The following ANKRD55 variants were observed in gnomAD, a reference collection of about 807,000 sequenced individuals.
ANKRD55 encodes the protein ankyrin repeat domain 55.
A neutral mutation model predicts 60.6 loss-of-function variants in ANKRD55; 41 were observed. That is an observed-to-expected ratio of 0.68 (90% CI 0.53 to 0.88). The LOEUF is 0.88. ANKRD55 is among the 40% of genes least tolerant of loss of function. The probability of loss-of-function intolerance (pLI) is 0.00; values close to 1 mark genes in which losing one functional copy is unlikely to be tolerated. For missense variants in ANKRD55, 732 were observed against 767.6 expected (o/e 0.95, Z 0.55); for synonymous variants, 264 against 290.3 (o/e 0.91, Z 0.92).
At chr5:56,135,360 T>TTTCTTTCTTTC (rs1561264197) in intron 7 of ANKRD55, among the ~76,000 whole-genome samples, 6 of 122,538 alleles carry the variant, frequency 4.9e-5, no homozygotes, top group East Asian at 2.3e-4. Flanking sequence ...TCTTTCTTTC[T>TTTCTTTCTTTC]TTCTTTCCTT....
intron 4 of ANKRD55, among the ~76,000 whole-genome samples, chr5:56,172,789 C>A (rs928747408): frequency 1.3e-5 from 2 of 152,036 alleles, no homozygotes; most frequent in African/African-American, 4.8e-5. Flanking sequence ...AGTGATTTGC[C>A]TAACCAACGT....
intron 3 of ANKRD55, among the ~76,000 whole-genome samples, chr5:56,182,577 G>A (rs1758873846): frequency 6.6e-6 from 1 of 151,852 alleles, no homozygotes; most frequent in African/African-American, 2.4e-5. Context: ...CTCTTTCATT[G>A]GCATCTGTTG....
intron 2 of ANKRD55, among the ~76,000 whole-genome samples, chr5:56,206,003 C>G (rs1229478832): frequency 7.0e-6 from 1 of 143,206 alleles, no homozygotes; most frequent in African/African-American, 2.7e-5. Flanking sequence ...GAGACAGAGT[C>G]TGACTCCCAT....
chr5:56,176,202 T>G lies in ANKRD55; in HGVS notation c.262A>C (p.Asn88His), dbSNP rs775596192. The G allele has an allele frequency of 1.2e-6, 2 of 1,614,196 alleles. No individual in the cohort carries two copies. The highest frequency in any genetic ancestry group is 8.5e-7 in the Non-Finnish European group (1 of 1,180,044). ...KLLLKMGANINMQDAYGRTSL... is the reference protein window; with the variant it reads ...KLLLKMGANIHMQDAYGRTSL... ...GTGCGGCCATAAGCATCCTGCATGT[T>G]AATATTGGCTCCCATCTTCAACAGC... Residue 88 changes from asparagine to histidine, a missense_variant, in exon 4 of 12, where the codon AAC (asparagine) becomes CAC (histidine). Coordinates refer to ENST00000341048, the MANE Select transcript of ANKRD55 (RefSeq NM_024669.3).
chr5:56,223,154 C>T (rs957404125), intron 2 of ANKRD55, among the ~76,000 whole-genome samples: 3 of 152,178 alleles, frequency 2.0e-5, no homozygotes, highest in African/African-American at 7.2e-5. Context: ...TAGATGATCT[C>T]TTGGCAGAAA....
At chr5:56,123,908 G>C (rs1202409571) in intron 8 of ANKRD55, among the ~76,000 whole-genome samples, 1 of 152,146 alleles carries the variant, frequency 6.6e-6, no homozygotes, top group East Asian at 1.9e-4. Flanking sequence ...CAGCCAATCT[G>C]CCTCAGCTGT....
In ANKRD55 at chr5:56,126,861, T is replaced by G. The variant is rs115312705; in HGVS notation, c.797+61A>C. On this transcript the variant is annotated intron_variant, in intron 8 of 11. Transcript: ENST00000341048. ...ACACCTCCTTAAACATCTCCTTTAT[T>G]TTAAGATTCAGTTAGGGGGAAATGA... The G allele has an allele frequency of 2.7e-3, 4,161 of 1,526,426 alleles. 95 individuals carry two copies. In the African/African-American group the frequency reaches 0.05, roughly 18 times the overall value. The allele number at this position is 1,526,426 out of a possible 1,614,324, so 94.6% of individuals were successfully genotyped here. A position where few individuals can be genotyped will look rare whatever the true frequency, so the allele number is the denominator to read the frequency against.
intron 5 of ANKRD55, among the ~76,000 whole-genome samples, chr5:56,164,827 A>G (rs1453887790): frequency 6.6e-6 from 1 of 152,148 alleles, no homozygotes; most frequent in Non-Finnish European, 1.5e-5. Flanking sequence ...ATGAGAGGAA[A>G]CCTGTGCATC....
rs928882022 is a variant in ANKRD55 at position 56,166,655 on chromosome 5, A to G, written c.422+4039T>C. 3.8e-4 allele frequency among the ~76,000 whole-genome samples: 58 copies of G among 152,224 alleles called. 1 individual carries two copies. Among genetic ancestry groups the G allele is most frequent in the Non-Finnish European group, 1.0e-4 (7 of 68,040 alleles). ...CAAAGAGAAAACACGGGCAGGAAAA[A>G]AAAAGACATGATCTATAGTCCTACA... On this transcript the variant is annotated intron_variant, in intron 5 of 11. Coordinates refer to ENST00000341048, the MANE Select transcript of ANKRD55 (RefSeq NM_024669.3).
chr5:56,121,520 C>G (rs557485297), intron 8 of ANKRD55, among the ~76,000 whole-genome samples: 2 of 150,392 alleles, frequency 1.3e-5, no homozygotes, highest in East Asian at 2.0e-4. Flanking sequence ...CTACAGGCGC[C>G]CGCCACCACA....
At chr5:56,136,848 G>A (rs1561264897) in intron 7 of ANKRD55, 1 of 350,092 alleles carries the variant, frequency 2.9e-6, no homozygotes, top group East Asian at 7.1e-5. Flanking sequence ...TTGAGACCAG[G>A]AGGTCCAGGC....
intron 10 of ANKRD55, among the ~76,000 whole-genome samples, chr5:56,103,533 C>T (rs573882448): frequency 1.3e-5 from 2 of 152,248 alleles, no homozygotes; most frequent in East Asian, 1.9e-4. Context: ...CAGAATTAGG[C>T]TTGATTCCCT....
chr5:56,195,323 G>C (rs746067101), intron 2 of ANKRD55, among the ~76,000 whole-genome samples: 142 of 152,278 alleles, frequency 9.3e-4, no homozygotes, highest in Non-Finnish European at 1.6e-3. Context: ...TGTCATAACA[G>C]AATATTTTAC....
chr5:56,232,733 C>G (rs1327824395), intron 2 of ANKRD55, 123 bp downstream of exon 2: 1 of 896,998 alleles, frequency 1.1e-6, no homozygotes, highest in Non-Finnish European at 1.7e-6. Context: ...CTCATGCACA[C>G]CCACGCACAT....
At chr5:56,102,391 A>C (rs1023537429) in intron 11 of ANKRD55, 103 bp downstream of exon 11, 1 of 158,878 alleles carries the variant, frequency 6.3e-6, no homozygotes, top group Non-Finnish European at 1.2e-5. Context: ...ACTCCATCTC[A>C]AAAAAAAAAA....
At chr5:56,110,085 CATCT>C (rs1243911958) in intron 10 of ANKRD55, among the ~76,000 whole-genome samples, 1 of 150,872 alleles carries the variant, frequency 6.6e-6, no homozygotes, top group Non-Finnish European at 1.5e-5. Context: ...ATCTATCTAT[CATCT>C]ATCTATCTGT....
chr5:56,158,838 C>T (rs1367888967), intron 6 of ANKRD55, among the ~76,000 whole-genome samples: 2 of 152,046 alleles, frequency 1.3e-5, no homozygotes, highest in Non-Finnish European at 2.9e-5. Context: ...GGACTATAGG[C>T]ATGTGCCACC....
intron 9 of ANKRD55, among the ~76,000 whole-genome samples, chr5:56,116,016 G>A (rs1275622165): frequency 1.3e-5 from 2 of 151,844 alleles, no homozygotes; most frequent in Non-Finnish European, 2.9e-5. Context: ...CACCATGCCT[G>A]GCTAATTTTT....
intron 3 of ANKRD55, among the ~76,000 whole-genome samples, chr5:56,179,597 A>G (rs1758813626): frequency 6.6e-6 from 1 of 152,216 alleles, no homozygotes; most frequent in African/African-American, 2.4e-5. Flanking sequence ...TAGCCTCAGC[A>G]TCTTGCGTCC....
Sources: gnomAD v4.1 joint callset for allele counts (sites outside exome capture counted in the v4.1 genomes callset) on GRCh38, gnomAD v4.1.1 for gene constraint, MANE v1.5 for transcripts, NCBI Gene and HGNC (gene_info 2026-07-23, HGNC 2026-07-21) for gene names.